Variants in PLVAP observed in about 807,000 individuals in gnomAD.
PLVAP encodes plasmalemma vesicle associated protein.
In PLVAP, 34 loss-of-function variants were observed where a neutral mutation model predicts 43.1. That is an observed-to-expected ratio of 0.79 (90% confidence interval 0.60 to 1.05). PLVAP has a LOEUF of 1.05. PLVAP is among the 50% of genes least tolerant of loss of function. PLVAP has a pLI of 0.00. For synonymous variants in PLVAP, 241 were observed against 237.3 expected (o/e 1.02, Z -0.14); for missense variants, 574 against 593.4 (o/e 0.97, Z 0.34).
At chr19:17,370,683 T>G (rs1347577660) in intron 1 of PLVAP, among the ~76,000 whole-genome samples, 1 of 152,058 alleles carries the variant, frequency 6.6e-6, no homozygotes, top group Non-Finnish European at 1.5e-5. Context: ...GGTTTTCTTT[T>G]GGGAAGGTGA....
chr19:17,370,783 G>A (rs535884574), intron 1 of PLVAP, among the ~76,000 whole-genome samples: 2 of 152,268 alleles, frequency 1.3e-5, no homozygotes, highest in African/African-American at 2.4e-5. Context: ...TTGGCTGGGC[G>A]CGGTGGCTCA....
intron 5 of PLVAP, among the ~76,000 whole-genome samples, chr19:17,358,168 G>A (rs978275008): frequency 6.6e-5 from 10 of 152,022 alleles, no homozygotes; most frequent in Non-Finnish European, 1.2e-4. Flanking sequence ...GCTGCTCAGG[G>A]CTGAGAACTT....
chr19:17,374,896 G>C (rs2074588915), intron 1 of PLVAP, among the ~76,000 whole-genome samples: 1 of 151,490 alleles, frequency 6.6e-6, no homozygotes, highest in Non-Finnish European at 1.5e-5. Flanking sequence ...TCGGCTCACT[G>C]CAATCTCTGC....
intron 5 of PLVAP, among the ~76,000 whole-genome samples, chr19:17,359,180 G>A (rs2074517930): frequency 1.3e-5 from 2 of 151,606 alleles, no homozygotes; most frequent in South Asian, 4.2e-4. Context: ...TTGGCTCACT[G>A]CAACCTCCAC....
At chr19:17,364,412 G>A (rs1322661265) in intron 3 of PLVAP, among the ~76,000 whole-genome samples, 2 of 152,154 alleles carry the variant, frequency 1.3e-5, no homozygotes, top group East Asian at 3.9e-4. Context: ...ATGTTGCCCA[G>A]GCTGGTCTGA....
At chr19:17,376,116 T>C (rs1439574120) in intron 1 of PLVAP, among the ~76,000 whole-genome samples, 1 of 151,974 alleles carries the variant, frequency 6.6e-6, no homozygotes, top group African/African-American at 2.4e-5. Flanking sequence ...ATGTCAAGGC[T>C]TCAGTGAGCT....
chr19:17,353,987 A>C (rs1406290307), intron 5 of PLVAP, among the ~76,000 whole-genome samples: 2 of 151,930 alleles, frequency 1.3e-5, no homozygotes, highest in East Asian at 3.9e-4. Context: ...CCAGGGCTGG[A>C]CTCCCATCTT....
chr19:17,363,741 A>ATTT (rs35934458), intron 3 of PLVAP, among the ~76,000 whole-genome samples: 4 of 120,922 alleles, frequency 3.3e-5, no homozygotes, highest in African/African-American at 1.2e-4. Flanking sequence ...CACCCGGCTA[A>ATTT]TTTTTTTTTT....
At chr19:17,353,899 C>T (rs1042122449) in intron 5 of PLVAP, among the ~76,000 whole-genome samples, 12 of 149,406 alleles carry the variant, frequency 8.0e-5, no homozygotes, top group African/African-American at 1.7e-4. Flanking sequence ...TCAATAAATA[C>T]GGCTCGAATG....
chr19:17,372,548 C>T (rs937318475), intron 1 of PLVAP, among the ~76,000 whole-genome samples: 9 of 150,182 alleles, frequency 6.0e-5, no homozygotes, highest in Admixed American at 5.3e-4. Flanking sequence ...GCTCCGCCTC[C>T]CGGGTTCATG....
intron 1 of PLVAP, among the ~76,000 whole-genome samples, chr19:17,371,950 G>A (rs959282435): frequency 6.6e-6 from 1 of 152,020 alleles, no homozygotes; most frequent in African/African-American, 2.4e-5. Context: ...GGCCCTGGGT[G>A]AATGTCCTGG....
chr19:17,360,007 G>C lies in PLVAP; in HGVS notation c.1322+521C>G, dbSNP rs1249331607. On this transcript the variant is annotated intron_variant, in intron 5 of 5. Transcript: ENST00000252590. ...TGCTGCCTAGAACACTGTTCCCCCTGCTTTCCCTGAGGCCAGCTCCTCATG... is the reference window on the plus strand; with the variant it reads ...TGCTGCCTAGAACACTGTTCCCCCTCCTTTCCCTGAGGCCAGCTCCTCATG... Among the ~76,000 whole-genome samples, 5 of 152,102 alleles carry C rather than the reference G, an allele frequency of 3.3e-5. No homozygotes were observed. In the South Asian group the frequency reaches 1.0e-3, roughly 32 times the overall value.
At chr19:17,372,233 C>A (rs1188199136) in intron 1 of PLVAP, among the ~76,000 whole-genome samples, 3 of 150,896 alleles carry the variant, frequency 2.0e-5, no homozygotes, top group Non-Finnish European at 4.4e-5. Flanking sequence ...CATGGGGAAA[C>A]CCCATCTCTA....
At position 17,365,993 on chromosome 19, in the gene PLVAP, G is replaced by A. The variant is rs745490790; in HGVS notation, c.472C>T (p.Leu158Phe). The A allele has an allele frequency of 7.4e-6, 12 of 1,612,714 alleles. No individual in the cohort carries two copies. Among genetic ancestry groups the A allele is most frequent in the Non-Finnish European group, 1.0e-5 (12 of 1,178,980 alleles). The stretch of plus-strand genomic sequence containing the variant: ...TTCACCTTCTGATTCAGCATGAAGA[G>A]CAAGGCTAAGGAAAACAGGACCAGG... Reference protein sequence around the residue: ...KDMNKSCDALLFMLNQKVKTL... With the variant: ...KDMNKSCDALFFMLNQKVKTL... The change falls in exon 3 of 6, where the codon CTC (leucine) becomes TTC (phenylalanine). Residue 158 changes from leucine (L) to phenylalanine (F), a missense_variant. Transcript: ENST00000252590.
At position 17,365,858 on chromosome 19, in the gene PLVAP, T is replaced by C; in HGVS notation, c.607A>G (p.Thr203Ala). Residue 203 changes from threonine (T) to alanine (A), a missense_variant, in exon 3 of 6, where the codon ACC (threonine) becomes GCC (alanine). By Grantham distance (58) the Thr-to-Ala change is moderately conservative (BLOSUM62 0). Transcript: ENST00000252590. ...AEEQLVECVKTRELQHQERQL... is the reference protein window; with the variant it reads ...AEEQLVECVKARELQHQERQL... ...CGCTCTTGGTGCTGCAGCTCCCGGG[T>C]TTTCACGCATTCAACCAGCTGTTCC... 6.2e-7 allele frequency: 1 copy of C among 1,613,906 alleles called. No homozygotes were observed. The highest frequency in any genetic ancestry group is 8.5e-7 in the Non-Finnish European group (1 of 1,179,990).
intron 5 of PLVAP, among the ~76,000 whole-genome samples, chr19:17,359,288 T>G (rs951711821): frequency 8.7e-5 from 13 of 149,710 alleles, no homozygotes; most frequent in Non-Finnish European, 8.9e-5. Flanking sequence ...TTTTTTTTTT[T>G]TTTTTAGTAG....
chr19:17,359,124 T>A (rs559135034), intron 5 of PLVAP, among the ~76,000 whole-genome samples: 1 of 149,606 alleles, frequency 6.7e-6, no homozygotes, highest in East Asian at 2.0e-4. Flanking sequence ...TTTATTATTT[T>A]TATTTTTATT....
intron 5 of PLVAP, among the ~76,000 whole-genome samples, chr19:17,355,225 A>AAATAATAATAAT (rs150379358): frequency 0.085 from 11,881 of 139,370 alleles, 535 homozygotes; most frequent in African/African-American, 0.097. Context: ...CTCCATCTCA[A>AAATAATAATAAT]AATAATAATA....
At chr19:17,356,930 G>C (rs2074508901) in intron 5 of PLVAP, among the ~76,000 whole-genome samples, 2 of 151,946 alleles carry the variant, frequency 1.3e-5, no homozygotes, top group Non-Finnish European at 2.9e-5. Context: ...TTGCACTCCA[G>C]CCTGGGCAAC....
Sources: allele counts gnomAD v4.1 joint callset (sites outside exome capture counted in the v4.1 genomes callset), GRCh38; gene constraint gnomAD v4.1.1; transcripts MANE v1.5; gene names NCBI Gene and HGNC (gene_info 2026-07-23, HGNC 2026-07-21).